Variants in FAM110B observed in about 807,000 individuals in gnomAD.
FAM110B encodes protein FAM110B.
A neutral mutation model predicts 20.4 loss-of-function variants in FAM110B; 6 were observed. The ratio of observed to expected loss-of-function variants is 0.29; its 90% CI spans 0.16 to 0.58. The LOEUF is 0.58. Ranked by LOEUF, FAM110B falls within the 20% of genes least tolerant of loss-of-function variation. FAM110B has a pLI of 0.90. For missense variants in FAM110B, 434 were observed against 498.2 expected (o/e 0.87, Z 1.23); for synonymous variants, 226 against 214.1 (o/e 1.06, Z -0.49).
intron 1 of FAM110B, among the ~76,000 whole-genome samples, chr8:58,015,843 T>C (rs1412801531): frequency 1.1e-5 from 1 of 92,550 alleles, no homozygotes. Flanking sequence ...AGACTTTGTC[T>C]CAAAAAAAAA....
chr8:58,126,141 T>G (rs1807498060), intron 3 of FAM110B, among the ~76,000 whole-genome samples: 1 of 152,236 alleles, frequency 6.6e-6, no homozygotes, highest in Non-Finnish European at 1.5e-5. Context: ...GAGAATGTTA[T>G]ATACATACAG....
intron 2 of FAM110B, among the ~76,000 whole-genome samples, chr8:58,057,558 C>T (rs1248721100): frequency 6.6e-6 from 1 of 152,144 alleles, no homozygotes; most frequent in South Asian, 2.1e-4. Context: ...ATCAAGAATT[C>T]CCCTTTTCTC....
chr8:58,097,053 G>C (rs991214859), intron 3 of FAM110B, among the ~76,000 whole-genome samples: 1 of 152,090 alleles, frequency 6.6e-6, no homozygotes, highest in Non-Finnish European at 1.5e-5. Flanking sequence ...TATCTTCGTG[G>C]TGTTCACTGT....
intron 1 of FAM110B, among the ~76,000 whole-genome samples, chr8:58,006,923 A>ATATATTTTTTTTTTTTT: frequency 3.0e-4 from 38 of 126,526 alleles, no homozygotes; most frequent in Non-Finnish European, 4.8e-4. Context: ...ATATATATAT[A>ATATATTTTTTTTTTTTT]TTTTTCCAAA....
At chr8:58,067,352 G>C (rs1444587879) in intron 2 of FAM110B, among the ~76,000 whole-genome samples, 1 of 152,202 alleles carries the variant, frequency 6.6e-6, no homozygotes, top group Non-Finnish European at 1.5e-5. Flanking sequence ...CGACTTGGAA[G>C]GTAATGGGAA....
Position 58,146,442 on chromosome 8 carries a change from A to T in FAM110B, c.212A>T (p.Lys71Met). The change falls in exon 4 of 4, where the codon AAG becomes ATG. Residue 71 changes from lysine to methionine, a missense_variant. By Grantham distance (95) the Lys-to-Met change is moderately conservative. Coordinates refer to ENST00000519262, the MANE Select transcript of FAM110B (RefSeq NM_001377989.1). Reference protein sequence around the residue: ...YVKSQEVINAKQEPVKPAVLA... With the variant: ...YVKSQEVINAMQEPVKPAVLA... ...AAGAGCCAGGAGGTGATCAACGCCA[A>T]GCAGGAGCCCGTGAAGCCCGCCGTG... 6.2e-7 allele frequency: 1 copy of T among 1,613,688 alleles called. No individual in the cohort carries two copies. Among genetic ancestry groups the T allele is most frequent in the Non-Finnish European group, 8.5e-7 (1 of 1,179,716 alleles).
intron 3 of FAM110B, among the ~76,000 whole-genome samples, chr8:58,107,045 C>G (rs1186501908): frequency 6.6e-6 from 1 of 151,700 alleles, no homozygotes; most frequent in Admixed American, 6.6e-5. Flanking sequence ...ATTTGTACAG[C>G]CATAACCTCA....
chr8:58,093,517 T>C (rs1298071454), intron 3 of FAM110B, among the ~76,000 whole-genome samples: 2 of 152,202 alleles, frequency 1.3e-5, no homozygotes, highest in African/African-American at 4.8e-5. Context: ...TATTTCTCCA[T>C]TGCTTATTTT....
chr8:58,113,541 C>A, intron 3 of FAM110B: 1 of 180,722 alleles, frequency 5.5e-6, no homozygotes, highest in East Asian at 1.3e-4. Context: ...ACGTAATCTT[C>A]CTGCGAATGT....
At chr8:58,143,017 C>A (rs1168572573) in intron 3 of FAM110B, among the ~76,000 whole-genome samples, 1 of 148,844 alleles carries the variant, frequency 6.7e-6, no homozygotes, top group Non-Finnish European at 1.5e-5. Context: ...TCTGAACAGA[C>A]GTCATGGTTA....
intron 3 of FAM110B, among the ~76,000 whole-genome samples, chr8:58,100,457 GT>G (rs1806750002): frequency 6.6e-6 from 1 of 152,230 alleles, no homozygotes; most frequent in Admixed American, 6.5e-5. Context: ...CAACAGAAAT[GT>G]TTTGTCTCAC....
intron 1 of FAM110B, among the ~76,000 whole-genome samples, chr8:58,005,200 G>T (rs928330119): frequency 6.6e-6 from 1 of 152,142 alleles, no homozygotes; most frequent in Admixed American, 6.5e-5. Context: ...TGTCAATATT[G>T]TTGTGTCTGA....
At chr8:58,060,545 G>GT (rs1161052106) in intron 2 of FAM110B, among the ~76,000 whole-genome samples, 5 of 151,990 alleles carry the variant, frequency 3.3e-5, no homozygotes, top group Non-Finnish European at 7.4e-5. Context: ...CAGTGCTTTC[G>GT]TATTATTTTT....
intron 1 of FAM110B, among the ~76,000 whole-genome samples, chr8:58,005,324 G>T (rs1041209131): frequency 1.3e-5 from 2 of 152,060 alleles, no homozygotes; most frequent in African/African-American, 4.8e-5. Context: ...TTGTGGTTAC[G>T]GTTTGTAGTG....
At chr8:58,075,272 T>TGGGG (rs59807974) in intron 2 of FAM110B, among the ~76,000 whole-genome samples, 3 of 146,166 alleles carry the variant, frequency 2.1e-5, no homozygotes, top group African/African-American at 7.9e-5. Context: ...CTTTTTTTTT[T>TGGGG]TTTTGTGTGT....
intron 1 of FAM110B, among the ~76,000 whole-genome samples, chr8:58,017,723 A>G (rs112469034): frequency 1.4e-4 from 22 of 152,368 alleles, no homozygotes; most frequent in African/African-American, 5.3e-4. Flanking sequence ...AAGCTTCAGT[A>G]TCTTGGAATC....
At chr8:58,071,204 G>T (rs1805889683) in intron 2 of FAM110B, among the ~76,000 whole-genome samples, 1 of 152,014 alleles carries the variant, frequency 6.6e-6, no homozygotes, top group Non-Finnish European at 1.5e-5. Context: ...ATTTAAATGG[G>T]CAAGGCTGAG....
At chr8:58,145,613 C>T (rs1803844032) in intron 3 of FAM110B, among the ~76,000 whole-genome samples, 2 of 152,204 alleles carry the variant, frequency 1.3e-5, no homozygotes, top group Admixed American at 1.3e-4. Flanking sequence ...GCCAACCGGG[C>T]GTGTTCAGAA....
chr8:58,027,822 C>G (rs1804882277), intron 1 of FAM110B, among the ~76,000 whole-genome samples: 1 of 152,188 alleles, frequency 6.6e-6, no homozygotes, highest in African/African-American at 2.4e-5. Flanking sequence ...TGGTATACCA[C>G]AAATTGTTGA....
Sources: allele counts gnomAD v4.1 joint callset (sites outside exome capture counted in the v4.1 genomes callset), GRCh38; gene constraint gnomAD v4.1.1; transcripts MANE v1.5; gene names NCBI Gene and HGNC (gene_info 2026-07-23, HGNC 2026-07-21).